SCAPER: variants seen among roughly 807,000 people sequenced by gnomAD.
The protein encoded by SCAPER is S-phase cyclin A associated protein in the ER.
In SCAPER, 98 loss-of-function variants were observed where a neutral mutation model predicts 182.2. The observed-to-expected ratio is 0.54, with a 90% CI of 0.46 to 0.64. The LOEUF is 0.64. Ranked by LOEUF, SCAPER falls within the 30% of genes least tolerant of loss-of-function variation. SCAPER has a pLI of 0.00. For missense variants in SCAPER, 1,432 were observed against 1,690.0 expected, an observed-to-expected ratio of 0.85 and a Z score of 2.68; for synonymous variants, 605 against 564.6, an observed-to-expected ratio of 1.07 and a Z score of -1.01.
At chr15:76,436,811 G>C (rs1441681865) in intron 25 of SCAPER, among the ~76,000 whole-genome samples, 1 of 152,154 alleles carries the variant, frequency 6.6e-6, no homozygotes, top group African/African-American at 2.4e-5. Flanking sequence ...TTCTGTGTGA[G>C]GAGTTTCAAT....
At chr15:76,821,712 C>T (rs1054410781) in intron 5 of SCAPER, among the ~76,000 whole-genome samples, 4 of 152,020 alleles carry the variant, frequency 2.6e-5, no homozygotes, top group African/African-American at 9.7e-5. Flanking sequence ...AGCAGGACTG[C>T]TTGAGCCCAG....
intron 25 of SCAPER, among the ~76,000 whole-genome samples, chr15:76,441,293 A>G (rs909604633): frequency 6.6e-6 from 1 of 152,166 alleles, no homozygotes; most frequent in Non-Finnish European, 1.5e-5. Context: ...AATCCTAAAT[A>G]TCATTACCCT....
chr15:76,709,743 A>C (rs532946080), intron 17 of SCAPER, among the ~76,000 whole-genome samples: 2 of 152,336 alleles, frequency 1.3e-5, no homozygotes, highest in African/African-American at 4.8e-5. Context: ...AAAACATCAC[A>C]AGAAAACTAC....
chr15:76,397,082 T>C (rs1413453058), intron 27 of SCAPER, among the ~76,000 whole-genome samples: 1 of 151,420 alleles, frequency 6.6e-6, no homozygotes, highest in Non-Finnish European at 1.5e-5. Flanking sequence ...TGTCCTGAAA[T>C]GATCATTTAG....
intron 5 of SCAPER, among the ~76,000 whole-genome samples, chr15:76,829,275 GA>G (rs1441982675): frequency 2.6e-5 from 4 of 152,094 alleles, no homozygotes; most frequent in African/African-American, 9.7e-5. Flanking sequence ...ATGGCATAAA[GA>G]ATGATATAAT....
chr15:76,657,957 T>A (rs1597980885), intron 21 of SCAPER, among the ~76,000 whole-genome samples: 1 of 152,104 alleles, frequency 6.6e-6, no homozygotes, highest in Non-Finnish European at 1.5e-5. Context: ...ACAGCCAATA[T>A]CATACTGAAC....
chr15:76,471,226 T>C lies in SCAPER; in HGVS notation c.3064A>G (p.Ile1022Val). 6.2e-7 allele frequency: 1 copy of C among 1,610,328 alleles called. No individual in the cohort carries two copies. The highest frequency in any genetic ancestry group is 8.5e-7 in the Non-Finnish European group (1 of 1,178,282). ...ATATTACATACCGTCAACTGGTGTATCAGGAGGTCCATTAAGAAGGTAATC... is the reference window on the plus strand; with the variant it reads ...ATATTACATACCGTCAACTGGTGTACCAGGAGGTCCATTAAGAAGGTAATC... ...NKITFLMDLLIHQLTVYVPDE... is the reference protein window; with the variant it reads ...NKITFLMDLLVHQLTVYVPDE... Residue 1022 changes from isoleucine to valine, a missense_variant, in exon 25 of 32, where the codon ATA (isoleucine) becomes GTA (valine). This residue lies in a region of SCAPER where 718 missense variants were observed against 799.7 expected (regional missense o/e 0.90). Transcript: ENST00000563290.
At chr15:76,433,180 C>T (rs1268906340) in intron 26 of SCAPER, among the ~76,000 whole-genome samples, 2 of 152,156 alleles carry the variant, frequency 1.3e-5, no homozygotes, top group East Asian at 1.9e-4. Context: ...CTTGTAAAAG[C>T]TCTAGCAGAA....
intron 21 of SCAPER, among the ~76,000 whole-genome samples, chr15:76,626,356 T>C (rs893424427): frequency 5.3e-5 from 8 of 152,118 alleles, no homozygotes; most frequent in Non-Finnish European, 8.8e-5. Flanking sequence ...AAGAGGTATA[T>C]ACATAATGAG....
At chr15:76,454,511 G>C (rs2048586408) in intron 25 of SCAPER, among the ~76,000 whole-genome samples, 1 of 151,920 alleles carries the variant, frequency 6.6e-6, no homozygotes, top group Admixed American at 6.6e-5. Context: ...TCATTCCCTT[G>C]CTTAAACAAA....
chr15:76,523,719 T>A (rs901663413), intron 23 of SCAPER, among the ~76,000 whole-genome samples: 2 of 152,092 alleles, frequency 1.3e-5, no homozygotes, highest in African/African-American at 4.8e-5. Flanking sequence ...TAATAACGGT[T>A]TACTTTTTTT....
chr15:76,854,434 A>C (rs550115698), intron 4 of SCAPER, among the ~76,000 whole-genome samples: 2 of 152,280 alleles, frequency 1.3e-5, no homozygotes, highest in East Asian at 3.9e-4. Flanking sequence ...GAAGAATTAC[A>C]AAACACTGCT....
intron 25 of SCAPER, among the ~76,000 whole-genome samples, chr15:76,435,863 G>A (rs1053388696): frequency 5.3e-5 from 8 of 152,098 alleles, no homozygotes; most frequent in African/African-American, 1.7e-4. Flanking sequence ...TTCAGTGCAC[G>A]CCCTGTAGAA....
chr15:76,453,085 C>T (rs932690562), intron 25 of SCAPER, among the ~76,000 whole-genome samples: 10 of 152,316 alleles, frequency 6.6e-5, no homozygotes, highest in East Asian at 5.8e-4. Context: ...CCTCCTGCCT[C>T]AGCCTCCTGA....
intron 1 of SCAPER, among the ~76,000 whole-genome samples, chr15:76,893,561 G>A (rs2152607617): frequency 6.6e-6 from 1 of 151,920 alleles, no homozygotes; most frequent in South Asian, 2.1e-4. Context: ...CAGTTCTATA[G>A]GCCAAATGGA....
At chr15:76,655,588 T>A (rs2055563970) in intron 21 of SCAPER, among the ~76,000 whole-genome samples, 1 of 152,124 alleles carries the variant, frequency 6.6e-6, no homozygotes, top group Non-Finnish European at 1.5e-5. Context: ...AGACATACAG[T>A]CATCAGACTC....
At chr15:76,643,468 G>A (rs2054267315) in intron 21 of SCAPER, among the ~76,000 whole-genome samples, 1 of 151,824 alleles carries the variant, frequency 6.6e-6, no homozygotes, top group Non-Finnish European at 1.5e-5. Flanking sequence ...TATCACTTGA[G>A]GTCAGGAGTT....
At chr15:76,721,882 T>C (rs2060266411) in intron 17 of SCAPER, among the ~76,000 whole-genome samples, 1 of 152,174 alleles carries the variant, frequency 6.6e-6, no homozygotes, top group African/African-American at 2.4e-5. Flanking sequence ...ACAGGGACAA[T>C]TTGACTTCCC....
intron 15 of SCAPER, among the ~76,000 whole-genome samples, chr15:76,744,961 C>T (rs2061719797): frequency 6.6e-6 from 1 of 151,976 alleles, no homozygotes; most frequent in Admixed American, 6.6e-5. Context: ...TACTACGCAA[C>T]CAAAAGAAGA....
Sources: gnomAD v4.1 joint callset for allele counts (sites outside exome capture counted in the v4.1 genomes callset) on GRCh38, gnomAD v4.1.1 for gene constraint, gnomAD v4.1.1 regional missense constraint, MANE v1.5 for transcripts, NCBI Gene and HGNC (gene_info 2026-07-23, HGNC 2026-07-21) for gene names.